PDE4DIP: variants seen among roughly 807,000 people sequenced by gnomAD.
PDE4DIP encodes myomegalin.
In PDE4DIP, 59 loss-of-function variants were observed where a neutral mutation model predicts 221.4. The observed-to-expected ratio is 0.27, with a 90% CI of 0.22 to 0.33. PDE4DIP has a LOEUF of 0.33. Ranked by LOEUF, PDE4DIP falls within the 10% of genes least tolerant of loss-of-function variation. The pLI is 1.00. For synonymous variants in PDE4DIP, 404 were observed against 815.9 expected (o/e 0.50, Z 8.60); for missense variants, 1,036 against 2,154.2 (o/e 0.48, Z 10.28).
At chr1:148,820,714 TG>T (rs782006342) in intron 1 of PDE4DIP, among the ~76,000 whole-genome samples, 19,550 of 136,248 alleles carry the variant, frequency 0.14, 952 homozygotes, top group African/African-American at 0.34. Context: ...ACTTTTTTTT[TG>T]GGGGGGGGGT....
At chr1:148,969,166 T>G (rs2058720749) in intron 14 of PDE4DIP, 136 bp downstream of exon 17, 4 of 559,966 alleles carry the variant, frequency 7.1e-6, no homozygotes, top group Admixed American at 3.0e-5. Context: ...TTCCTTCTAT[T>G]TATTACCTAA....
At chr1:149,027,316 CCCTA>C in intron 39 of PDE4DIP, 81 bp from the exon 43 acceptor site, 2 of 618,576 alleles carry the variant, frequency 3.2e-6, no homozygotes, top group Non-Finnish European at 5.9e-6. Flanking sequence ...TTTTCTTGTT[CCCTA>C]CCTCTTTTTT....
chr1:149,007,082 C>G (rs1807093), intron 27 of PDE4DIP, 119 bp from the exon 31 acceptor site: 1 of 638,276 alleles, frequency 1.6e-6, no homozygotes, highest in Non-Finnish European at 2.8e-6. Context: ...TGCCAGAATT[C>G]AGCTTGGGGG....
At chr1:148,983,308 G>A (rs1251020118) in intron 21 of PDE4DIP, 4 of 152,068 alleles carry the variant, frequency 2.6e-5, no homozygotes, top group Admixed American at 6.6e-5. Context: ...TGAATCGCTA[G>A]TAAGATTCAG....
At chr1:148,926,840 A>G (rs2046822123) in intron 1 of PDE4DIP, among the ~76,000 whole-genome samples, 2 of 147,630 alleles carry the variant, frequency 1.4e-5, no homozygotes, top group South Asian at 4.3e-4. Context: ...CAAATCTTCT[A>G]TTTTACTGAT....
chr1:149,031,441 G>T (rs2076699132), intron 43 of PDE4DIP, among the ~76,000 whole-genome samples: 1 of 152,022 alleles, frequency 6.6e-6, no homozygotes, highest in Admixed American at 6.6e-5. Context: ...ATCTGTCAAA[G>T]ATGGAACTGG....
intron 35 of PDE4DIP, among the ~76,000 whole-genome samples, chr1:149,019,239 G>C (rs2152698661): frequency 1.5e-5 from 1 of 67,490 alleles, no homozygotes; most frequent in Non-Finnish European, 2.9e-5. Context: ...TCACAGGTGG[G>C]CATCATTTCT....
At chr1:149,007,120 T>C (rs1553599687) in intron 27 of PDE4DIP, 81 bp from the exon 31 acceptor site, 2 of 664,674 alleles carry the variant, frequency 3.0e-6, no homozygotes, top group Non-Finnish European at 5.5e-6. Flanking sequence ...CTCATAGAAA[T>C]CTCTACAGAA....
intron 2 of PDE4DIP, among the ~76,000 whole-genome samples, chr1:148,867,891 G>T (rs587646516): frequency 6.8e-6 from 1 of 146,964 alleles, no homozygotes; most frequent in African/African-American, 2.5e-5. Context: ...GGCAAACTGG[G>T]CATTATCGCT....
intron 22 of PDE4DIP, 125 bp downstream of exon 25, chr1:148,992,098 A>G (rs1553560250): frequency 3.1e-6 from 3 of 972,810 alleles, no homozygotes; most frequent in Non-Finnish European, 4.9e-6. Flanking sequence ...ACTACTTCTC[A>G]GTCATCTTCC....
chr1:148,980,641 T>A (rs1238404591), intron 20 of PDE4DIP, among the ~76,000 whole-genome samples: 4 of 151,994 alleles, frequency 2.6e-5, no homozygotes, highest in Non-Finnish European at 5.9e-5. Context: ...TTTTTCAATT[T>A]TTATTATTAT....
chr1:148,952,217 C>T (rs2053556389), intron 5 of PDE4DIP: 1 of 1,026,920 alleles, frequency 9.7e-7, no homozygotes, highest in South Asian at 4.7e-5. Context: ...TTCTGCTCCG[C>T]ACTCGCCGTG....
intron 5 of PDE4DIP, among the ~76,000 whole-genome samples, chr1:148,948,694 T>TAG (rs2052405924): frequency 1.6e-5 from 2 of 128,602 alleles, no homozygotes; most frequent in African/African-American, 3.0e-5. Flanking sequence ...AAATATACTA[T>TAG]GTATACAATC....
At chr1:148,958,022 T>C (rs1166798743) in intron 5 of PDE4DIP, among the ~76,000 whole-genome samples, 2 of 148,440 alleles carry the variant, frequency 1.3e-5, no homozygotes, top group Non-Finnish European at 3.0e-5. Context: ...ATTTATTTAT[T>C]AGTTAGAATC....
At chr1:148,928,071 CCTT>C (rs2047119355) in intron 1 of PDE4DIP, among the ~76,000 whole-genome samples, 1 of 76,366 alleles carries the variant, frequency 1.3e-5, no homozygotes, top group Admixed American at 1.4e-4. Context: ...GACCCACCCA[CCTT>C]CTTCATAATT....
intron 17 of PDE4DIP, among the ~76,000 whole-genome samples, chr1:148,976,090 G>A (rs1337983120): frequency 1.3e-5 from 2 of 151,890 alleles, no homozygotes; most frequent in Admixed American, 6.6e-5. Context: ...ATTCATGTCA[G>A]ATATTTTAGT....
chr1:148,998,986 T>TC (rs1295680481), intron 23 of PDE4DIP, among the ~76,000 whole-genome samples: 2 of 117,646 alleles, frequency 1.7e-5, no homozygotes, highest in Non-Finnish European at 3.5e-5. Context: ...GAACTCGTGA[T>TC]CCCCCCGCCT....
At chr1:149,026,240 T>G (rs2075122427) in intron 38 of PDE4DIP, 1 of 149,280 alleles carries the variant, frequency 6.7e-6, no homozygotes, top group Non-Finnish European at 1.5e-5. Flanking sequence ...TCTGTCTCCG[T>G]TCTTCTCATA....
At chr1:148,951,472 G>T (rs1372568614) in intron 5 of PDE4DIP, among the ~76,000 whole-genome samples, 2 of 152,160 alleles carry the variant, frequency 1.3e-5, no homozygotes, top group African/African-American at 4.8e-5. Flanking sequence ...GGTTTTCACC[G>T]AAGTCAGTGA....
Sources: allele counts gnomAD v4.1 joint callset (sites outside exome capture counted in the v4.1 genomes callset), GRCh38; gene constraint gnomAD v4.1.1; transcripts MANE v1.5; gene names NCBI Gene and HGNC (gene_info 2026-07-23, HGNC 2026-07-21).